The following SIGLEC1 variants were observed in gnomAD, a reference collection of about 807,000 sequenced individuals.
SIGLEC1 encodes sialoadhesin.
Under a neutral mutation model 148.0 loss-of-function variants are expected in SIGLEC1, and 132 were observed. The observed-to-expected ratio is 0.89, with a 90% CI of 0.77 to 1.03. The LOEUF (loss-of-function observed/expected upper bound fraction) is 1.03. SIGLEC1 is among the 50% of genes least tolerant of loss of function. The pLI, the probability that SIGLEC1 is intolerant of heterozygous loss-of-function variation, is 0.00. For missense variants in SIGLEC1, 2,253 were observed against 2,271.4 expected, an observed-to-expected ratio of 0.99 and a Z score of 0.16; for synonymous variants, 945 against 969.0, an observed-to-expected ratio of 0.98 and a Z score of 0.46.
At chr20:3,704,795 T>C (rs967822933) in intron 4 of SIGLEC1, among the ~76,000 whole-genome samples, 3 of 103,550 alleles carry the variant, frequency 2.9e-5, no homozygotes, top group Non-Finnish European at 4.3e-5. Context: ...TTTTGTTTTT[T>C]AATTTTTTTG....
Position 3,689,596 on chromosome 20 carries a change from C to T in SIGLEC1, c.4997+4G>A, listed in dbSNP as rs771304630. On this transcript the variant is annotated splice_donor_region_variant and intron_variant, in intron 20 of 21. Transcript: ENST00000344754. ...TTCTGGCCCACTCCCAGCTCCAGAC[C>T]CACCTCCAGGTGTAGCAGGCCCCCA... The T allele has an allele frequency of 1.0e-5, 16 of 1,566,550 alleles. No homozygotes were observed. Among genetic ancestry groups the T allele is most frequent in the Middle Eastern group, 1.8e-4 (1 of 5,552 alleles).
rs1246046148 is a variant in SIGLEC1, at chr20:3,691,487, A to G, written c.4444T>C (p.Phe1482Leu). Residue 1482 changes from phenylalanine to leucine, a missense_variant, in exon 18 of 22, where the codon TTC becomes CTC. Transcript: ENST00000344754. ...GCGTGCAGCCGCCGGTCATTCCAGA[A>G]CCATGCAAAGGTGGAGTTGCCCACA... ...GPVGNSTFAW[F>L]WNDRRLHAEP... 6.2e-7 allele frequency: 1 copy of G among 1,613,450 alleles called. No homozygotes were observed. The highest frequency in any genetic ancestry group is 8.5e-7 in the Non-Finnish European group (1 of 1,179,988).
chr20:3,690,645 G>A (rs1037716158), intron 18 of SIGLEC1, among the ~76,000 whole-genome samples: 3 of 152,192 alleles, frequency 2.0e-5, no homozygotes, highest in Non-Finnish European at 2.9e-5. Flanking sequence ...CCACAGAATT[G>A]AGCAGATAAC....
intron 7 of SIGLEC1, among the ~76,000 whole-genome samples, chr20:3,700,629 C>A (rs6115993): frequency 0.018 from 2,786 of 151,972 alleles, 101 homozygotes; most frequent in African/African-American, 0.063. Context: ...GCTACCATGC[C>A]CTCAGGAGGA....
In SIGLEC1 at chr20:3,691,921, C is replaced by T. The variant is rs147642526; in HGVS notation, c.4312G>A (p.Gly1438Arg). 1.0e-5 allele frequency: 16 copies of T among 1,583,440 alleles called. No homozygotes were observed. The highest frequency in any genetic ancestry group is 1.7e-4 in the Middle Eastern group (1 of 5,926). The stretch of plus-strand genomic sequence containing the variant: ...CACTCACCTTCTACCTGCAACCGCC[C>T]GATGGTGCTGATTGAGCCCAGCAAG... ...QNLLGSISTI[G>R]RLQVEGARVV... The change falls in exon 17 of 22, where the codon GGG becomes AGG. Residue 1438 changes from glycine (G) to arginine (R), a missense_variant. Coordinates refer to ENST00000344754, the MANE Select transcript of SIGLEC1 (RefSeq NM_023068.4).
chr20:3,697,971 C>A lies in SIGLEC1; in HGVS notation c.1949G>T (p.Gly650Val), dbSNP rs1055188555. 3 of 1,611,800 alleles carry A rather than the reference C, an allele frequency of 1.9e-6. No homozygotes were observed. Among genetic ancestry groups the A allele is most frequent in the East Asian group, 4.5e-5 (2 of 44,868 alleles). ...DRVVATSLPS[G>V]GGCSTCGGCS... ...GCCCCCACAGGTGCTGCAGCCACCC[C>A]CTGATGGCAGGGAAGTGGCCACAAC... The change falls in exon 9 of 22, where the codon GGG (glycine) becomes GTG (valine). Residue 650 changes from glycine to valine, a missense_variant. Coordinates refer to ENST00000344754, the MANE Select transcript of SIGLEC1 (RefSeq NM_023068.4).
At position 3,705,990 on chromosome 20, in the gene SIGLEC1, T is replaced by C; in HGVS notation, c.460A>G (p.Thr154Ala). The change falls in exon 4 of 22, where the codon ACA becomes GCA. Residue 154 changes from threonine to alanine, a missense_variant. Thr to Ala is a moderately conservative substitution (Grantham distance 58). Transcript: ENST00000344754. ...IASPVELLEG[T>A]EVDFNCSTPY... ...GTGGAGCAGTTGAAGTCCACCTCTG[T>C]GCCCTCGAGAAGCTCCACCGGGGAG... 6.2e-7 allele frequency: 1 copy of C among 1,613,948 alleles called. No individual in the cohort carries two copies. The highest frequency in any genetic ancestry group is 2.2e-5 in the East Asian group (1 of 44,882).
At chr20:3,694,566 A>T in intron 12 of SIGLEC1, 34 bp from the exon 13 acceptor site, 1 of 1,556,192 alleles carries the variant, frequency 6.4e-7, no homozygotes. Context: ...GGACCCAGCC[A>T]GGGGGGTCCC....
intron 1 of SIGLEC1, among the ~76,000 whole-genome samples, chr20:3,707,474 T>C (rs2087905134): frequency 6.6e-6 from 1 of 152,132 alleles, no homozygotes; most frequent in Non-Finnish European, 1.5e-5. Context: ...CTAAGGCAGA[T>C]GAACAGCTGT....
Position 3,706,478 on chromosome 20 carries a change from G to A in SIGLEC1, c.278C>T (p.Pro93Leu). 6.2e-7 allele frequency: 1 copy of A among 1,613,964 alleles called. No homozygotes were observed. The highest frequency in any genetic ancestry group is 1.3e-5 in the African/African-American group (1 of 75,078). The change falls in exon 3 of 22, where the codon CCC becomes CTC. Residue 93 changes from proline to leucine, a missense_variant. By Grantham distance (98) the Pro-to-Leu change is moderately conservative (BLOSUM62 -3). Transcript: ENST00000344754. ...CAGCAGGTTGCACACCCTGTGCTCG[G>A]GGTTCCCCATGAACTCGGTGCGGCC... is the stretch of plus-strand genomic sequence containing the variant. ...FRGRTEFMGN[P>L]EHRVCNLLLK...
In SIGLEC1 at chr20:3,703,355, CG is replaced by C. The variant is rs1255292475; in HGVS notation, c.1069del (p.Arg357AlafsTer51). On this transcript the variant is annotated frameshift_variant, in exon 6 of 22. Coordinates refer to ENST00000344754, the MANE Select transcript of SIGLEC1 (RefSeq NM_023068.4). LOFTEE classifies it high-confidence loss of function. The stretch of plus-strand genomic sequence containing the variant: ...GACATGGTTCTTGTACCAGCTGTAG[CG>C]GAGATCACTGGGTGCCTCATTGGGT... ...NTPNEAPSDL[R>X]YSWYKNHVLL... The C allele has an allele frequency of 8.7e-6, 14 of 1,613,908 alleles. No homozygotes were observed. The highest frequency in any genetic ancestry group is 1.2e-5 in the Non-Finnish European group (14 of 1,179,874).
intron 21 of SIGLEC1, 98 bp downstream of exon 21, chr20:3,689,056 TC>T (rs2088727565): frequency 2.8e-6 from 3 of 1,064,592 alleles, no homozygotes; most frequent in Non-Finnish European, 4.4e-6. Flanking sequence ...CTCCCCTTGG[TC>T]CCAGGCACCA....
At chr20:3,698,983 G>A (rs190784585) in intron 8 of SIGLEC1, among the ~76,000 whole-genome samples, 4 of 152,356 alleles carry the variant, frequency 2.6e-5, no homozygotes, top group Admixed American at 2.6e-4. Flanking sequence ...GAGCCCACAG[G>A]GCTGGCATTG....
rs1051594941 is a variant in SIGLEC1 at position 3,710,232 on chromosome 20, G to A, written c.-110+2238C>T. On this transcript the variant is annotated intron_variant, in intron 1 of 21. Coordinates refer to ENST00000344754, the MANE Select transcript of SIGLEC1 (RefSeq NM_023068.4). This position sits in a 1 kb window ranked among gnomAD's most constrained non-coding sequence, Gnocchi z 4.6. The stretch of plus-strand genomic sequence containing the variant: ...CTCAGCAGATTCCAATGACTACCAG[G>A]GGTCACACCTGGGAAGGGGGTGAGC... Among the ~76,000 whole-genome samples, 2 of 152,102 alleles carry A rather than the reference G, an allele frequency of 1.3e-5. No homozygotes were observed. The highest frequency in any genetic ancestry group is 2.9e-5 in the Non-Finnish European group (2 of 68,012).
In SIGLEC1 at chr20:3,705,831, A is replaced by G; in HGVS notation, c.619T>C (p.Ser207Pro). The G allele has an allele frequency of 6.2e-7, 1 of 1,614,106 alleles. No homozygotes were observed. Among genetic ancestry groups the G allele is most frequent in the Non-Finnish European group, 8.5e-7 (1 of 1,180,026 alleles). ...AGGATCCGGCCGTGGTCCTGCCAGG[A>G]CATGGCCATGTGGAGGGTCTCCAGG... ...GHLETLHMAM[S>P]WQDHGRILRC... is the part of the protein sequence containing the mutation. Residue 207 changes from serine (S) to proline (P), a missense_variant, in exon 4 of 22, where the codon TCC becomes CCC. Coordinates refer to ENST00000344754, the MANE Select transcript of SIGLEC1 (RefSeq NM_023068.4).
chr20:3,698,085 G>A lies in SIGLEC1; in HGVS notation c.1835C>T (p.Ala612Val). 1 of 1,608,336 alleles carries A rather than the reference G, an allele frequency of 6.2e-7. No individual in the cohort carries two copies. Among genetic ancestry groups the A allele is most frequent in the Non-Finnish European group, 8.5e-7 (1 of 1,178,398 alleles). ...GCCTCGCCGTCCAGCCCCGGCCCCA[G>A]CGGCATCAAGGTCCAGCCTGGTGGT... ...TFTTRLDLDA[A>V]GAGAGRRGLL... is the part of the protein sequence containing the mutation. The change falls in exon 9 of 22, where the codon GCT becomes GTT. Residue 612 changes from alanine (A) to valine (V), a missense_variant. Transcript: ENST00000344754.
At chr20:3,689,281 C>T in intron 20 of SIGLEC1, 54 bp from the exon 21 acceptor site, 2 of 1,458,378 alleles carry the variant, frequency 1.4e-6, no homozygotes, top group Non-Finnish European at 1.9e-6. Context: ...CCTCCTGCCC[C>T]CATTCCTCTC....
At chr20:3,688,731 G>C in intron 21 of SIGLEC1, 112 bp from the exon 22 acceptor site, 2 of 791,320 alleles carry the variant, frequency 2.5e-6, no homozygotes, top group Non-Finnish European at 4.0e-6. Context: ...GTGCATGGCT[G>C]GAAGTGTGAC....
Position 3,706,684 on chromosome 20 carries a change from G to A in SIGLEC1, c.72C>T (p.Ser24=). 3 of 1,550,258 alleles carry A rather than the reference G, an allele frequency of 1.9e-6. No individual in the cohort carries two copies. Among genetic ancestry groups the A allele is most frequent in the Non-Finnish European group, 1.7e-6 (2 of 1,145,454 alleles). The change falls in exon 3 of 22, where the codon TCC becomes TCT. Residue 24 remains serine (S), a synonymous_variant. Transcript: ENST00000344754. ...TCACACCCTGCACGTCCTGGGGACT[G>A]GAGACGCCCCATGAGGCCTGGCCTG... is the stretch of plus-strand genomic sequence containing the variant. ...FPAGQASWGV[S]SPQDVQGVKG...
Sources: gnomAD v4.1 joint callset for allele counts (sites outside exome capture counted in the v4.1 genomes callset) on GRCh38, gnomAD v4.1.1 for gene constraint, Gnocchi (gnomAD v3.1) non-coding constraint, MANE v1.5 for transcripts, NCBI Gene and HGNC (gene_info 2026-07-23, HGNC 2026-07-21) for gene names.